Variants in CACNA1C observed in about 807,000 individuals in gnomAD.
CACNA1C encodes the protein calcium voltage-gated channel subunit alpha1 C, also known as voltage-dependent L-type calcium channel subunit alpha-1C.
CACNA1C carries 30 observed loss-of-function variants against 229.0 expected under a neutral mutation model. The ratio of observed to expected loss-of-function variants is 0.13; its 90% CI spans 0.10 to 0.18. CACNA1C has a LOEUF of 0.18. Ranked by LOEUF, CACNA1C falls within the 10% of genes least tolerant of loss-of-function variation. The probability of loss-of-function intolerance (pLI) is 1.00; values close to 1 mark genes in which losing one functional copy is unlikely to be tolerated. For missense variants in CACNA1C, 1,658 were observed against 2,845.0 expected, an observed-to-expected ratio of 0.58 and a Z score of 9.49; for synonymous variants, 1,114 against 1,132.5, an observed-to-expected ratio of 0.98 and a Z score of 0.33.
At chr12:2,503,067 A>C (rs1662214091) in intron 7 of CACNA1C, among the ~76,000 whole-genome samples, 1 of 152,232 alleles carries the variant, frequency 6.6e-6, no homozygotes, top group African/African-American at 2.4e-5. Flanking sequence ...ATGGAGAGCC[A>C]CACACTTGTG....
chr12:2,093,831 G>C (rs368011616), intron 1 of CACNA1C, among the ~76,000 whole-genome samples: 1 of 152,204 alleles, frequency 6.6e-6, no homozygotes, highest in African/African-American at 2.4e-5. Context: ...TCAGTGCCTA[G>C]TGCCTGCAGT....
intron 20 of CACNA1C, 61 bp downstream of exon 20, chr12:2,596,064 T>C (rs761853283): frequency 6.7e-7 from 1 of 1,499,510 alleles, no homozygotes; most frequent in Non-Finnish European, 9.0e-7. Context: ...GCCCACAGCT[T>C]CTGTTGCTGA....
At chr12:2,468,568 A>G (rs2099572656) in intron 5 of CACNA1C, among the ~76,000 whole-genome samples, 1 of 152,266 alleles carries the variant, frequency 6.6e-6, no homozygotes, top group African/African-American at 2.4e-5. Context: ...AAGAGAACAC[A>G]GCTTCCTGAG....
In CACNA1C at chr12:2,565,392, G is replaced by T. The variant is rs372735819; in HGVS notation, c.1509-1030G>T. ...TGAGGCAGGAGAATGGCGTGAACCC[G>T]GGAAGCGGAGCTTGCAGTGAGCCGA... On this transcript the variant is annotated intron_variant, in intron 11 of 46. Transcript: ENST00000399655. Among the ~76,000 whole-genome samples the T allele has an allele frequency of 3.3e-5, 5 of 150,892 alleles. No individual in the cohort carries two copies. The South Asian group carries it at 8.4e-4, about 25-fold the overall frequency.
chr12:2,499,368 T>G (rs1942322239), intron 7 of CACNA1C, among the ~76,000 whole-genome samples: 1 of 152,120 alleles, frequency 6.6e-6, no homozygotes, highest in Admixed American at 6.5e-5. Context: ...ATTCAGCCTT[T>G]TTGGATCCAC....
intron 3 of CACNA1C, among the ~76,000 whole-genome samples, chr12:2,342,277 A>G (rs181809930): frequency 3.3e-5 from 5 of 152,292 alleles, no homozygotes; most frequent in East Asian, 1.9e-4. Context: ...CTTTGTGCAC[A>G]TAACTGGTAC....
At chr12:2,399,968 G>C (rs984376939) in intron 3 of CACNA1C, among the ~76,000 whole-genome samples, 2 of 152,216 alleles carry the variant, frequency 1.3e-5, no homozygotes, top group African/African-American at 4.8e-5. Flanking sequence ...CCCCTTGCAA[G>C]GTTTTTAGGA....
chr12:2,292,456 C>T (rs2093608917), intron 3 of CACNA1C, among the ~76,000 whole-genome samples: 2 of 152,298 alleles, frequency 1.3e-5, no homozygotes, highest in Admixed American at 6.5e-5. Flanking sequence ...CATTTTTCAG[C>T]CCTTTCACAT....
intron 3 of CACNA1C, among the ~76,000 whole-genome samples, chr12:2,363,977 G>T (rs1355731964): frequency 1.3e-5 from 2 of 152,172 alleles, no homozygotes; most frequent in African/African-American, 4.8e-5. Context: ...ATCCCCTCGT[G>T]CCTGGTGACG....
intron 9 of CACNA1C, among the ~76,000 whole-genome samples, chr12:2,514,723 G>A (rs899778075): frequency 6.6e-6 from 1 of 152,112 alleles, no homozygotes; most frequent in Non-Finnish European, 1.5e-5. Context: ...AAAACCTGCA[G>A]TAGCCACTAC....
chr12:2,486,072 G>T lies in CACNA1C; in HGVS notation c.758-32G>T, dbSNP rs1281415078. 6.4e-7 allele frequency: 1 copy of T among 1,564,846 alleles called. No individual in the cohort carries two copies. The highest frequency in any genetic ancestry group is 2.3e-5 in the East Asian group (1 of 44,198). On this transcript the variant is annotated intron_variant, in intron 5 of 46. Coordinates refer to ENST00000399655, the MANE Select transcript of CACNA1C (RefSeq NM_000719.7). This position sits in a 1 kb window ranked among gnomAD's most constrained non-coding sequence, Gnocchi z 4.9. ...GGCGTCAGCACGGTACCGCGGTGAT[G>T]CTTGGTTCAGTGAGTGGCTCTGTCC...
In CACNA1C at chr12:2,530,543, G is replaced by C. The variant is rs554974265; in HGVS notation, c.1390+17559G>C. Among the ~76,000 whole-genome samples the C allele has an allele frequency of 1.4e-4, 21 of 152,314 alleles. No homozygotes were observed. In the South Asian group the frequency reaches 4.4e-3, roughly 32 times the overall value. On this transcript the variant is annotated intron_variant, in intron 9 of 46. Transcript: ENST00000399655. ...GCAAGGCCAGAAGGACCATGATGGA[G>C]CCCAAATTGTGGTCATAAGTGACCT... is the stretch of plus-strand genomic sequence containing the variant.
Position 2,472,768 on chromosome 12 carries a change from G to A in CACNA1C, c.758-13336G>A, listed in dbSNP as rs370801029. On this transcript the variant is annotated intron_variant, in intron 5 of 46. Coordinates refer to ENST00000399655, the MANE Select transcript of CACNA1C (RefSeq NM_000719.7). ...ATATGTCTAGTGATTTCTTTTTACC[G>A]AATATTAGAATCATGGATAATATGT... is the stretch of plus-strand genomic sequence containing the variant. Among the ~76,000 whole-genome samples the A allele has an allele frequency of 4.6e-5, 7 of 151,944 alleles. No homozygotes were observed. The East Asian group carries it at 1.2e-3, about 25-fold the overall frequency.
intron 20 of CACNA1C, among the ~76,000 whole-genome samples, chr12:2,596,627 G>A (rs751542710): frequency 3.9e-5 from 6 of 152,158 alleles, no homozygotes; most frequent in Non-Finnish European, 5.9e-5. Flanking sequence ...CTGTCTTACC[G>A]AGGTTAGCAG....
At chr12:2,565,452 C>G (rs1037169937) in intron 11 of CACNA1C, among the ~76,000 whole-genome samples, 3 of 134,384 alleles carry the variant, frequency 2.2e-5, no homozygotes, top group Non-Finnish European at 3.1e-5. Flanking sequence ...CCGGCCTGGG[C>G]GACAGAGCGA....
At chr12:2,345,712 GTTGA>G (rs1450463237) in intron 3 of CACNA1C, among the ~76,000 whole-genome samples, 2 of 152,162 alleles carry the variant, frequency 1.3e-5, no homozygotes, top group African/African-American at 4.8e-5. Context: ...GTCTCTGCAG[GTTGA>G]TCTAGGCTGG....
chr12:2,633,325 C>T lies in CACNA1C; in HGVS notation c.3829-972C>T, dbSNP rs2091381604. ...CTGGCGATTTGCACCACCCACGCCC[C>T]CCACACCCACTCCTGCCCCTGGTGG... is the stretch of plus-strand genomic sequence containing the variant. On this transcript the variant is annotated intron_variant, in intron 29 of 46. Transcript: ENST00000399655. The surrounding 1 kb of genome is among the most constrained non-coding windows in gnomAD (Gnocchi z 5.8). 6.6e-6 allele frequency among the ~76,000 whole-genome samples: 1 copy of T among 152,166 alleles called. No individual in the cohort carries two copies. The highest frequency in any genetic ancestry group is 1.5e-5 in the Non-Finnish European group (1 of 68,020).
upstream of CACNA1C, among the ~76,000 whole-genome samples, chr12:2,051,928 A>G (rs2052323649): frequency 6.6e-6 from 1 of 152,208 alleles, no homozygotes; most frequent in South Asian, 2.1e-4. Context: ...GGTTAGGGTC[A>G]CCCAGGGAAT....
At chr12:2,372,138 T>G (rs2097886121) in intron 3 of CACNA1C, among the ~76,000 whole-genome samples, 1 of 152,242 alleles carries the variant, frequency 6.6e-6, no homozygotes, top group African/African-American at 2.4e-5. Context: ...TAGTATATGA[T>G]GTAGACAACC....
Sources: gnomAD v4.1 joint callset for allele counts (sites outside exome capture counted in the v4.1 genomes callset) on GRCh38, gnomAD v4.1.1 for gene constraint, Gnocchi (gnomAD v3.1) non-coding constraint, MANE v1.5 for transcripts, NCBI Gene and HGNC (gene_info 2026-07-23, HGNC 2026-07-21) for gene names.